BROX: variants seen among roughly 807,000 people sequenced by gnomAD.
The protein encoded by BROX is BRO1 domain-containing protein BROX.
Under a neutral mutation model 61.0 loss-of-function variants are expected in BROX, and 53 were observed. The observed-to-expected ratio is 0.87, with a 90% CI of 0.70 to 1.09. The LOEUF is 1.09. Among genes scored for constraint, BROX ranks in the 50% least tolerant of loss-of-function variants. BROX has a pLI of 0.00. For missense variants in BROX, 489 were observed against 472.0 expected (o/e 1.04, Z -0.33); for synonymous variants, 152 against 160.2 (o/e 0.95, Z 0.38).
chr1:222,727,842 T>C (rs1462203514), intron 8 of BROX, among the ~76,000 whole-genome samples: 3 of 152,204 alleles, frequency 2.0e-5, no homozygotes, highest in Non-Finnish European at 4.4e-5. Context: ...AGAAGGACTC[T>C]AGAAGAAGAT....
At chr1:222,717,094 C>T (rs1241616906) in intron 2 of BROX, among the ~76,000 whole-genome samples, 1 of 152,184 alleles carries the variant, frequency 6.6e-6, no homozygotes, top group Non-Finnish European at 1.5e-5. Flanking sequence ...CAATGGTCAT[C>T]AAACTTTTTA....
chr1:222,719,410 T>C (rs777925720), intron 4 of BROX, 51 bp downstream of exon 4: 9 of 1,278,412 alleles, frequency 7.0e-6, no homozygotes, highest in African/African-American at 1.5e-5. Flanking sequence ...TGTAACTATG[T>C]AGCCAGTGGT....
At chr1:222,728,717 T>C (rs1202264040) in intron 8 of BROX, 26 bp from the exon 9 acceptor site, 1 of 1,481,156 alleles carries the variant, frequency 6.8e-7, no homozygotes, top group South Asian at 1.2e-5. Flanking sequence ...CGAAATTATA[T>C]TTTGCTTTTT....
At chr1:222,730,731 C>T (rs989912776) in intron 11 of BROX, among the ~76,000 whole-genome samples, 1 of 152,076 alleles carries the variant, frequency 6.6e-6, no homozygotes, top group Admixed American at 6.5e-5. Context: ...GAGTTATTAA[C>T]GTAGAGTTAA....
At chr1:222,713,545 T>A in intron 1 of BROX, 1 of 654,578 alleles carries the variant, frequency 1.5e-6, no homozygotes, top group Non-Finnish European at 1.9e-6. Context: ...AAAGGCACCC[T>A]TGTCCCTGCG....
chr1:222,719,136 T>C, intron 3 of BROX, 105 bp downstream of exon 3: 2 of 1,294,636 alleles, frequency 1.5e-6, no homozygotes, highest in Non-Finnish European at 2.2e-6. Flanking sequence ...CCAGACTGTA[T>C]TCTTTGGAAA....
chr1:222,714,579 T>TG (rs144175497), intron 1 of BROX, among the ~76,000 whole-genome samples: 3,385 of 151,214 alleles, frequency 0.022, 88 homozygotes, highest in African/African-American at 0.06. Flanking sequence ...GTTTTTGTTT[T>TG]TTGTTTTTTT....
chr1:222,714,250 C>G lies in BROX; in HGVS notation c.-17+1308C>G, dbSNP rs1352713853. ...TTTTTGAGACGGAGTCTCCCTCTGT[C>G]GCCCAGGCTGGAGTGCAGTGGTGCC... On this transcript the variant is annotated intron_variant, in intron 1 of 12. Coordinates refer to ENST00000340934, the MANE Select transcript of BROX (RefSeq NM_144695.4). Among the ~76,000 whole-genome samples, 4 of 139,062 alleles carry G rather than the reference C, an allele frequency of 2.9e-5. No homozygotes were observed. The East Asian group carries it at 6.4e-4, about 22-fold the overall frequency. The allele number at this position is 139,062 out of a possible 152,430, so 91.2% of individuals were successfully genotyped here.
intron 2 of BROX, 111 bp downstream of exon 2, chr1:222,715,911 A>G: frequency 1.6e-6 from 1 of 617,556 alleles, no homozygotes; most frequent in Admixed American, 3.1e-5. Context: ...TTTATAAATG[A>G]CATTTAAGAG....
chr1:222,716,484 A>G (rs1442573371), intron 2 of BROX, among the ~76,000 whole-genome samples: 4 of 152,250 alleles, frequency 2.6e-5, no homozygotes, highest in African/African-American at 9.6e-5. Context: ...ATGGCCTTCA[A>G]AGTGTTCACA....
At chr1:222,729,050 T>C (rs917972063) in intron 9 of BROX, among the ~76,000 whole-genome samples, 5 of 152,190 alleles carry the variant, frequency 3.3e-5, no homozygotes, top group African/African-American at 1.2e-4. Flanking sequence ...ATAGAATTAT[T>C]GTTTGATTGA....
At chr1:222,731,168 T>G (rs750288255) in intron 11 of BROX, among the ~76,000 whole-genome samples, 189 bp from the exon 12 acceptor site, 1 of 152,200 alleles carries the variant, frequency 6.6e-6, no homozygotes, top group Non-Finnish European at 1.5e-5. Context: ...GCACTCTACA[T>G]CCATGGTAGC....
chr1:222,731,225 A>T, intron 11 of BROX, 132 bp from the exon 12 acceptor site: 1 of 721,362 alleles, frequency 1.4e-6, no homozygotes, highest in Non-Finnish European at 2.1e-6. Context: ...TGACTTTTTC[A>T]CTTTCCTACA....
At chr1:222,728,361 G>A (rs1657667788) in intron 8 of BROX, among the ~76,000 whole-genome samples, 1 of 152,142 alleles carries the variant, frequency 6.6e-6, no homozygotes, top group African/African-American at 2.4e-5. Context: ...GGGTAGAGAG[G>A]AGAGTATCCT....
chr1:222,727,470 A>G (rs1657590575), intron 8 of BROX, among the ~76,000 whole-genome samples: 1 of 152,206 alleles, frequency 6.6e-6, no homozygotes, highest in South Asian at 2.1e-4. Flanking sequence ...GTCTCATAAA[A>G]TTATACAGCT....
At chr1:222,713,509 G>C (rs1347127289) in intron 1 of BROX, 3 of 908,018 alleles carry the variant, frequency 3.3e-6, no homozygotes, top group South Asian at 5.1e-5. Context: ...TTACAGCTTC[G>C]ATCCGAATGT....
chr1:222,722,169 G>C (rs1010137971), intron 4 of BROX, among the ~76,000 whole-genome samples: 1 of 152,148 alleles, frequency 6.6e-6, no homozygotes, highest in African/African-American at 2.4e-5. Flanking sequence ...TCTATGTGCA[G>C]TAAACTTTGG....
rs1445378680 is a variant in BROX, at chr1:222,734,953, G to T, written c.*2239G>T. ...ATAAATATTTTGTTGACTCAGCAAA[G>T]GTGACACTTTGTGACTAAAGTATCC... On this transcript the variant is annotated 3_prime_UTR_variant, in exon 13 of 13. Transcript: ENST00000340934. 6.6e-6 allele frequency: 1 copy of T among 152,120 alleles called. No homozygotes were observed. Among genetic ancestry groups the T allele is most frequent in the African/African-American group, 2.4e-5 (1 of 41,400 alleles). 9.4% of individuals were successfully genotyped at this position (152,120 alleles called of 1,614,324 possible).
chr1:222,714,689 A>G (rs947189047), intron 1 of BROX, among the ~76,000 whole-genome samples: 1 of 151,430 alleles, frequency 6.6e-6, no homozygotes, highest in African/African-American at 2.4e-5. Flanking sequence ...TCCTGGACTC[A>G]GGGGATCCTC....
Sources: allele counts gnomAD v4.1 joint callset (sites outside exome capture counted in the v4.1 genomes callset), GRCh38; gene constraint gnomAD v4.1.1; transcripts MANE v1.5; gene names NCBI Gene and HGNC (gene_info 2026-07-23, HGNC 2026-07-21).